Variants in PLCG2 observed in about 807,000 individuals in gnomAD.
PLCG2 encodes 1-phosphatidylinositol 4,5-bisphosphate phosphodiesterase gamma-2.
A neutral mutation model predicts 175.6 loss-of-function variants in PLCG2; 69 were observed. The ratio of observed to expected loss-of-function variants is 0.39; its 90% CI spans 0.32 to 0.48. The LOEUF (loss-of-function observed/expected upper bound fraction) is 0.48, where lower values mean the gene tolerates loss of function less well. Among genes scored for constraint, PLCG2 ranks in the 20% least tolerant of loss-of-function variants. The pLI is 0.91. For synonymous variants in PLCG2, 827 were observed against 624.0 expected (o/e 1.33, Z -4.85); for missense variants, 1,798 against 1,650.9 (o/e 1.09, Z -1.54).
chr16:81,770,505 G>A (rs934326260), intron 2 of PLCG2, among the ~76,000 whole-genome samples: 5 of 152,148 alleles, frequency 3.3e-5, no homozygotes, highest in Non-Finnish European at 7.3e-5. Context: ...TTGAGCTCAG[G>A]AGTTCAGGAC....
At chr16:81,878,631 C>A (rs1355864442) in intron 7 of PLCG2, among the ~76,000 whole-genome samples, 1 of 152,172 alleles carries the variant, frequency 6.6e-6, no homozygotes, top group Non-Finnish European at 1.5e-5. Flanking sequence ...TTGTTTCCAT[C>A]CCTGCCTCCT....
chr16:81,786,583 G>A (rs1008179971), intron 2 of PLCG2, among the ~76,000 whole-genome samples: 1 of 152,274 alleles, frequency 6.6e-6, no homozygotes, highest in Non-Finnish European at 1.5e-5. Context: ...ATGCTACCTT[G>A]TTTTACTGCA....
chr16:81,872,583 C>T (rs1373355662), intron 7 of PLCG2, among the ~76,000 whole-genome samples: 1 of 152,212 alleles, frequency 6.6e-6, no homozygotes, highest in Non-Finnish European at 1.5e-5. Flanking sequence ...TGAGACTATT[C>T]TGTGCGATGC....
At chr16:81,782,444 G>C (rs1448493191) in intron 1 of PLCG2, among the ~76,000 whole-genome samples, 5 of 152,166 alleles carry the variant, frequency 3.3e-5, no homozygotes, top group African/African-American at 1.2e-4. Context: ...AGTTGCTGTG[G>C]TGGCTGGTGC....
At chr16:81,889,901 C>T (rs756322456) in intron 10 of PLCG2, among the ~76,000 whole-genome samples, 37 of 152,110 alleles carry the variant, frequency 2.4e-4, no homozygotes, top group Non-Finnish European at 4.7e-4. Flanking sequence ...GTGATCAGCC[C>T]GCCTCAGCTT....
rs767763693 is a variant in PLCG2, at chr16:81,891,607, C to G, written c.986+17C>G. The G allele has an allele frequency of 1.4e-6, 2 of 1,406,208 alleles. No homozygotes were observed. Among genetic ancestry groups the G allele is most frequent in the African/African-American group, 1.4e-5 (1 of 70,804 alleles). The allele number at this position is 1,406,208 out of a possible 1,614,324, so 87.1% of individuals were successfully genotyped here. A position where few individuals can be genotyped will look rare whatever the true frequency, so the allele number is the denominator to read the frequency against. Reference sequence around the variant, plus strand: ...ACATAACACGTGAGTTTCAGATGAGCCTGTGATGGGTTGGGCAGCACAGAG... The same window carrying G: ...ACATAACACGTGAGTTTCAGATGAGGCTGTGATGGGTTGGGCAGCACAGAG... On this transcript the variant is annotated intron_variant, in intron 11 of 32. Coordinates refer to ENST00000564138, the MANE Select transcript of PLCG2 (RefSeq NM_002661.5).
chr16:81,803,113 C>CTTTT (rs762278218), intron 2 of PLCG2, among the ~76,000 whole-genome samples: 10 of 131,368 alleles, frequency 7.6e-5, no homozygotes, highest in African/African-American at 1.4e-4. Flanking sequence ...TTGCATTTCA[C>CTTTT]TTTTTTTTTT....
At position 81,958,125 on chromosome 16, in the gene PLCG2, A is replaced by G. The variant is rs989363735; in HGVS notation, c.*127A>G. The G allele has an allele frequency of 1.4e-6, 1 of 719,302 alleles. No individual in the cohort carries two copies. The highest frequency in any genetic ancestry group is 2.5e-6 in the Non-Finnish European group (1 of 396,018). The allele number at this position is 719,302 out of a possible 1,614,324, so 44.6% of individuals were successfully genotyped here. A position where few individuals can be genotyped will look rare whatever the true frequency, so the allele number is the denominator to read the frequency against. On this transcript the variant is annotated 3_prime_UTR_variant, in exon 33 of 33. Coordinates refer to ENST00000564138, the MANE Select transcript of PLCG2 (RefSeq NM_002661.5). Reference sequence around the variant, plus strand: ...CATCTTTTCTTCAAGCCTGCCATCAAGGACATTTCTTAAGACCCAACTGGC... The same window carrying G: ...CATCTTTTCTTCAAGCCTGCCATCAGGGACATTTCTTAAGACCCAACTGGC...
At chr16:81,821,986 G>T (rs1371826987) in intron 2 of PLCG2, among the ~76,000 whole-genome samples, 2 of 152,072 alleles carry the variant, frequency 1.3e-5, no homozygotes, top group African/African-American at 2.4e-5. Flanking sequence ...ACTTCGCTGA[G>T]CCTTCTCTTT....
chr16:81,883,589 T>C (rs896175134), intron 9 of PLCG2: 9 of 545,484 alleles, frequency 1.6e-5, no homozygotes, highest in Admixed American at 3.1e-5. Flanking sequence ...AAGGCACACA[T>C]TGAGGATGAG....
At chr16:81,885,873 T>C (rs1451229430) in intron 9 of PLCG2, among the ~76,000 whole-genome samples, 1 of 152,200 alleles carries the variant, frequency 6.6e-6, no homozygotes, top group Non-Finnish European at 1.5e-5. Context: ...CATGCCTTCC[T>C]AGTGCCGGGG....
chr16:81,935,157 A>G (rs1040779369), intron 26 of PLCG2, among the ~76,000 whole-genome samples: 5 of 152,290 alleles, frequency 3.3e-5, no homozygotes, highest in African/African-American at 1.2e-4. Context: ...TCATGAGGTC[A>G]ACATCAGGGT....
chr16:81,841,731 C>T (rs775773559), intron 2 of PLCG2, among the ~76,000 whole-genome samples: 9 of 152,158 alleles, frequency 5.9e-5, no homozygotes, highest in Non-Finnish European at 1.3e-4. Context: ...TCTGCTCTAC[C>T]GTGTGTGCCT....
chr16:81,923,904 T>A (rs7203619), intron 22 of PLCG2, among the ~76,000 whole-genome samples: 2 of 152,032 alleles, frequency 1.3e-5, no homozygotes, highest in Non-Finnish European at 2.9e-5. Context: ...TTCCATGCAT[T>A]GTCTAACCAA....
chr16:81,815,451 TGA>T (rs1904501581), intron 2 of PLCG2, among the ~76,000 whole-genome samples: 1 of 152,226 alleles, frequency 6.6e-6, no homozygotes, highest in South Asian at 2.1e-4. Context: ...CTGCAGGGGC[TGA>T]GAGACCACCC....
Position 81,761,156 on chromosome 16 carries a change from C to G in PLCG2, c.-48+5190C>G, listed in dbSNP as rs1478280521. Among the ~76,000 whole-genome samples the G allele has an allele frequency of 2.6e-5, 4 of 152,142 alleles. No homozygotes were observed. In the East Asian group the frequency reaches 5.8e-4, roughly 22 times the overall value. The stretch of plus-strand genomic sequence containing the variant: ...AAGTGATCCTCCCACCTTAGCCTCC[C>G]AAACTGCTGGCCTTACAGGTATGAG... On this transcript the variant is annotated intron_variant, in intron 2 of 5. Coordinates refer to the PLCG2 transcript ENST00000565054.
Position 81,958,161 on chromosome 16 carries a change from G to T in PLCG2, c.*163G>T. ...TAAGACCCAACTGGCATGAGTTGGG[G>T]TAATTTCCTATTATTTTCATCTTGG... On this transcript the variant is annotated 3_prime_UTR_variant, in exon 33 of 33. Transcript: ENST00000564138. The T allele has an allele frequency of 5.0e-6, 3 of 599,668 alleles. No individual in the cohort carries two copies. The highest frequency in any genetic ancestry group is 9.2e-6 in the Non-Finnish European group (3 of 327,638). 37.1% of individuals were successfully genotyped at this position (599,668 alleles called of 1,614,324 possible).
intron 2 of PLCG2, among the ~76,000 whole-genome samples, chr16:81,846,056 C>A (rs1235171486): frequency 6.6e-6 from 1 of 152,182 alleles, no homozygotes; most frequent in African/African-American, 2.4e-5. Flanking sequence ...TGCTGTTGTG[C>A]CCCACTCAGC....
intron 2 of PLCG2, among the ~76,000 whole-genome samples, chr16:81,826,287 C>T (rs573333344): frequency 1.3e-5 from 2 of 152,154 alleles, no homozygotes; most frequent in Non-Finnish European, 2.9e-5. Flanking sequence ...CACGGCAAGG[C>T]TCCAGGATCC....
Sources: gnomAD v4.1 joint callset for allele counts (sites outside exome capture counted in the v4.1 genomes callset) on GRCh38, gnomAD v4.1.1 for gene constraint, MANE v1.5 for transcripts, NCBI Gene and HGNC (gene_info 2026-07-23, HGNC 2026-07-21) for gene names.